The following NCKAP5 variants were observed in gnomAD, a reference collection of about 807,000 sequenced individuals.
The protein encoded by NCKAP5 is nck-associated protein 5.
Under a neutral mutation model 167.0 loss-of-function variants are expected in NCKAP5, and 92 were observed. The observed-to-expected ratio is 0.55, with a 90% CI of 0.47 to 0.66. The LOEUF (loss-of-function observed/expected upper bound fraction) is 0.66, where lower values mean the gene tolerates loss of function less well. NCKAP5 is among the 30% of genes least tolerant of loss of function. The pLI is 0.00. For synonymous variants in NCKAP5, 891 were observed against 877.4 expected (o/e 1.02, Z -0.27); for missense variants, 2,378 against 2,315.0 (o/e 1.03, Z -0.56).
In NCKAP5 at chr2:133,131,220, A is replaced by G. The variant is rs140997045; in HGVS notation, c.208-1109T>C. On this transcript the variant is annotated intron_variant, in intron 5 of 19. Transcript: ENST00000409261. ...ATCTAGATGTGAATCCTGATCCTCT[A>G]AAAATACTTACACATCCTCCTGCCT... Among the ~76,000 whole-genome samples, 288 of 152,294 alleles carry G rather than the reference A, an allele frequency of 1.9e-3. 1 individual carries two copies. Among genetic ancestry groups the G allele is most frequent in the African/African-American group, 6.6e-3 (273 of 41,570 alleles).
chr2:132,839,841 T>G (rs1426892849), intron 11 of NCKAP5, among the ~76,000 whole-genome samples: 6 of 151,010 alleles, frequency 4.0e-5, no homozygotes, highest in Non-Finnish European at 7.4e-5. Context: ...ACATAAAGAC[T>G]GAACACATAT....
At chr2:132,747,806 G>A (rs1022581116) in intron 16 of NCKAP5, among the ~76,000 whole-genome samples, 7 of 152,194 alleles carry the variant, frequency 4.6e-5, no homozygotes, top group African/African-American at 1.7e-4. Context: ...TTTTTCCTAT[G>A]AGGAAACTGA....
chr2:133,414,340 T>G (rs185857549), intron 3 of NCKAP5, among the ~76,000 whole-genome samples: 83 of 152,348 alleles, frequency 5.4e-4, no homozygotes, highest in Admixed American at 1.8e-3. Flanking sequence ...TTTCGTTTTC[T>G]GAGGTTAAAA....
At chr2:133,149,449 C>T (rs1386489572) in intron 5 of NCKAP5, among the ~76,000 whole-genome samples, 2 of 151,874 alleles carry the variant, frequency 1.3e-5, no homozygotes, top group Non-Finnish European at 2.9e-5. Flanking sequence ...ATCCCCACCC[C>T]ACCCCCACCA....
chr2:132,819,167 T>A (rs1427750435), intron 11 of NCKAP5, among the ~76,000 whole-genome samples: 1 of 152,208 alleles, frequency 6.6e-6, no homozygotes, highest in Non-Finnish European at 1.5e-5. Context: ...TTATGTTGCA[T>A]ATGGCATGGA....
At chr2:132,920,223 C>T (rs1272457823) in intron 8 of NCKAP5, among the ~76,000 whole-genome samples, 1 of 152,080 alleles carries the variant, frequency 6.6e-6, no homozygotes, top group African/African-American at 2.4e-5. Context: ...TGAAGTCAGA[C>T]TGTTCACAAC....
chr2:133,127,057 GA>G (rs796448007), intron 6 of NCKAP5, among the ~76,000 whole-genome samples: 1 of 150,836 alleles, frequency 6.6e-6, no homozygotes, highest in Non-Finnish European at 1.5e-5. Context: ...TGGCCCAAGA[GA>G]AAAAAAGAAA....
At chr2:132,889,757 G>C (rs1486925564) in intron 8 of NCKAP5, among the ~76,000 whole-genome samples, 2 of 152,254 alleles carry the variant, frequency 1.3e-5, no homozygotes, top group East Asian at 3.9e-4. Flanking sequence ...TGTAAATATT[G>C]TCAAATTATT....
intron 3 of NCKAP5, among the ~76,000 whole-genome samples, chr2:133,455,831 A>G (rs1429859203): frequency 2.0e-5 from 3 of 152,202 alleles, no homozygotes; most frequent in African/African-American, 7.2e-5. Flanking sequence ...TAGCTGTGAC[A>G]TTAAGACTTC....
chr2:133,653,227 C>T, the NCKAP5 span, among the ~76,000 whole-genome samples: 2 of 152,214 alleles, frequency 1.3e-5, no homozygotes, highest in East Asian at 1.9e-4. Flanking sequence ...CAAAACTCCA[C>T]TTAATCTTCT....
At chr2:133,088,286 CA>C (rs2081061511) in intron 6 of NCKAP5, among the ~76,000 whole-genome samples, 1 of 152,160 alleles carries the variant, frequency 6.6e-6, no homozygotes, top group Non-Finnish European at 1.5e-5. Flanking sequence ...CACATTTTTG[CA>C]GAAGCCCCTT....
chr2:133,401,999 A>G (rs1688131640), intron 3 of NCKAP5, among the ~76,000 whole-genome samples: 1 of 152,188 alleles, frequency 6.6e-6, no homozygotes, highest in South Asian at 2.1e-4. Context: ...GGATGAGACC[A>G]TAAAATCTCT....
At position 133,143,491 on chromosome 2, in the gene NCKAP5, T is replaced by C. The variant is rs554636893; in HGVS notation, c.208-13380A>G. Among the ~76,000 whole-genome samples, 36 of 152,256 alleles carry C rather than the reference T, an allele frequency of 2.4e-4. No homozygotes were observed. In the East Asian group the frequency reaches 6.0e-3, roughly 25 times the overall value. On this transcript the variant is annotated intron_variant, in intron 5 of 19. Coordinates refer to ENST00000409261, the MANE Select transcript of NCKAP5 (RefSeq NM_207363.3). ...GGCCTTATTTTTTATGGAAAAAGGA[T>C]CCATGTCTTCATAAGATTGTGGCCA...
intron 3 of NCKAP5, among the ~76,000 whole-genome samples, chr2:133,460,934 A>G (rs1692162301): frequency 6.6e-6 from 1 of 152,172 alleles, no homozygotes; most frequent in Non-Finnish European, 1.5e-5. Context: ...TCAGAGAAAA[A>G]CAGGCTATCT....
chr2:133,369,683 T>C (rs937201742), intron 3 of NCKAP5, among the ~76,000 whole-genome samples: 9 of 152,160 alleles, frequency 5.9e-5, no homozygotes, highest in Non-Finnish European at 1.0e-4. Flanking sequence ...AGGAAAATGA[T>C]TTCATAAACA....
At chr2:132,696,389 A>G (rs111571590) in intron 19 of NCKAP5, among the ~76,000 whole-genome samples, 5,090 of 152,284 alleles carry the variant, frequency 0.033, 275 homozygotes, top group African/African-American at 0.11. Flanking sequence ...TTGTGGAGAG[A>G]GTGATTAGAC....
intron 2 of NCKAP5, among the ~76,000 whole-genome samples, chr2:133,518,707 C>T (rs1684235706): frequency 6.6e-6 from 1 of 152,026 alleles, no homozygotes; most frequent in Non-Finnish European, 1.5e-5. Context: ...GTCATTTAAC[C>T]TCTCAGAAAC....
the NCKAP5 span, among the ~76,000 whole-genome samples, chr2:133,606,442 T>C: frequency 6.6e-6 from 1 of 152,190 alleles, no homozygotes; most frequent in Admixed American, 6.5e-5. Context: ...AGGAAGCTCG[T>C]GTGGACTTCT....
At chr2:133,639,072 A>C in the NCKAP5 span, among the ~76,000 whole-genome samples, 1 of 152,188 alleles carries the variant, frequency 6.6e-6, no homozygotes, top group Non-Finnish European at 1.5e-5. Context: ...GATATAAGAC[A>C]CAGCATGATC....
Sources: gnomAD v4.1 joint callset for allele counts (sites outside exome capture counted in the v4.1 genomes callset) on GRCh38, gnomAD v4.1.1 for gene constraint, MANE v1.5 for transcripts, NCBI Gene and HGNC (gene_info 2026-07-23, HGNC 2026-07-21) for gene names.